NBAS: variants seen among roughly 807,000 people sequenced by gnomAD.
The protein encoded by NBAS is NBAS subunit of NRZ tethering complex.
NBAS carries 219 observed loss-of-function variants against 302.5 expected under a neutral mutation model. The ratio of observed to expected loss-of-function variants is 0.72; its 90% CI spans 0.65 to 0.81. The LOEUF is 0.81. Ranked by LOEUF, NBAS falls within the 30% of genes least tolerant of loss-of-function variation. The pLI is 0.00. For missense variants in NBAS, 2,932 were observed against 2,841.6 expected (o/e 1.03, Z -0.72); for synonymous variants, 1,118 against 1,021.6 (o/e 1.09, Z -1.80).
the NBAS span, among the ~76,000 whole-genome samples, chr2:14,972,721 G>T: frequency 6.6e-6 from 1 of 152,160 alleles, no homozygotes; most frequent in Non-Finnish European, 1.5e-5. Context: ...CAAAGAAATC[G>T]TCTGAAAGTA....
the NBAS span, among the ~76,000 whole-genome samples, chr2:15,096,942 G>C: frequency 6.6e-6 from 1 of 152,224 alleles, no homozygotes; most frequent in Non-Finnish European, 1.5e-5. Flanking sequence ...ACTGAAGCAA[G>C]AATGTGGATG....
At position 15,308,252 on chromosome 2, in the gene NBAS, G is replaced by T; in HGVS notation, c.4761C>A (p.Ala1587=). ...YYSLQIYARL[A]PCFRDKCHPL... is the part of the protein sequence containing the mutation. ...GATGGCACTTGTCCCTGAAACATGG[G>T]GCCAATCGGGCATAGATCTGGAGGC... The change falls in exon 40 of 52, where the codon GCC becomes GCA. Residue 1587 remains alanine, a synonymous_variant. Coordinates refer to ENST00000281513, the MANE Select transcript of NBAS (RefSeq NM_015909.4). 1 of 1,614,126 alleles carries T rather than the reference G, an allele frequency of 6.2e-7. No homozygotes were observed. The highest frequency in any genetic ancestry group is 1.3e-5 in the African/African-American group (1 of 75,024).
At chr2:14,780,487 C>T in the NBAS span, among the ~76,000 whole-genome samples, 1 of 152,214 alleles carries the variant, frequency 6.6e-6, no homozygotes, top group Non-Finnish European at 1.5e-5. Flanking sequence ...TAGGATGGCA[C>T]TGCCAGATGC....
chr2:15,187,411 T>C (rs1446957865), intron 49 of NBAS, among the ~76,000 whole-genome samples: 2 of 152,142 alleles, frequency 1.3e-5, no homozygotes, highest in African/African-American at 4.8e-5. Context: ...TTATTGTTAT[T>C]GTAATGGGGT....
Position 15,417,585 on chromosome 2 carries a change from G to A in NBAS, c.2705C>T (p.Thr902Ile), listed in dbSNP as rs1280104666. The A allele has an allele frequency of 6.2e-7, 1 of 1,613,900 alleles. No homozygotes were observed. Among genetic ancestry groups the A allele is most frequent in the Admixed American group, 1.7e-5 (1 of 60,004 alleles). ...TTTCATCTGCTGGAGTTCTTTCAGG[G>A]TTAGAGTTACATCACACCTGGCTTC... Reference protein sequence around the residue: ...VYEARCDVTLTLKELQQMKDI... With the variant: ...VYEARCDVTLILKELQQMKDI... Residue 902 changes from threonine (T) to isoleucine (I), a missense_variant, in exon 24 of 52, where the codon ACC becomes ATC. By Grantham distance (89) the Thr-to-Ile change is moderately conservative (BLOSUM62 -1). Coordinates refer to ENST00000281513, the MANE Select transcript of NBAS (RefSeq NM_015909.4).
In NBAS at chr2:15,238,477, A is replaced by G. The variant is rs752896593; in HGVS notation, c.5934T>C (p.Asn1978=). Residue 1978 remains asparagine (N), a synonymous_variant, in exon 45 of 52, where the codon AAT becomes AAC. Coordinates refer to ENST00000281513, the MANE Select transcript of NBAS (RefSeq NM_015909.4). ...LSHSFILSLK[N]SEQETLQKYS... is the part of the protein sequence containing the mutation. ...GTTCCCATTTCTTTACCTGCTCACT[A>G]TTCTTCAGAGAAAGGATGAAGCTGT... 3.1e-6 allele frequency: 5 copies of G among 1,613,998 alleles called. No homozygotes were observed. The African/African-American group carries it at 4.0e-5, about 13-fold the overall frequency.
chr2:15,365,823 A>C (rs989655878), intron 32 of NBAS, among the ~76,000 whole-genome samples: 1 of 152,222 alleles, frequency 6.6e-6, no homozygotes, highest in African/African-American at 2.4e-5. Context: ...ACCACTGCTT[A>C]TACAACCAAA....
chr2:14,869,556 T>C, the NBAS span, among the ~76,000 whole-genome samples: 4 of 152,186 alleles, frequency 2.6e-5, no homozygotes, highest in African/African-American at 7.2e-5. Flanking sequence ...TAATTCTGCA[T>C]GTGGTTTTAC....
chr2:14,960,213 C>G, the NBAS span, among the ~76,000 whole-genome samples: 1 of 152,208 alleles, frequency 6.6e-6, no homozygotes, highest in Non-Finnish European at 1.5e-5. Context: ...CCTCCTGTGC[C>G]TTCACAGTGC....
intron 28 of NBAS, among the ~76,000 whole-genome samples, chr2:15,384,569 A>G (rs747416159): frequency 2.0e-5 from 3 of 150,034 alleles, no homozygotes; most frequent in Non-Finnish European, 4.4e-5. Flanking sequence ...ATGTGAATGA[A>G]TGAATCTGAA....
intron 26 of NBAS, among the ~76,000 whole-genome samples, 199 bp downstream of exon 26, chr2:15,401,969 A>T (rs73198697): frequency 0.016 from 2,483 of 152,100 alleles, 75 homozygotes; most frequent in African/African-American, 0.057. Flanking sequence ...CAGTTGAACA[A>T]AATATAGAAC....
the NBAS span, among the ~76,000 whole-genome samples, chr2:14,980,737 GAACTCTGGAAGATATAA>G: frequency 6.6e-6 from 1 of 152,132 alleles, no homozygotes; most frequent in Non-Finnish European, 1.5e-5. Flanking sequence ...CAAGACAGCA[GAACTCTGGAAGATATAA>G]AAGAAACAAT....
chr2:15,007,831 C>A, the NBAS span, among the ~76,000 whole-genome samples: 2 of 152,174 alleles, frequency 1.3e-5, no homozygotes, highest in Non-Finnish European at 2.9e-5. Context: ...AAGTTCAAAT[C>A]CCAGCTCCAC....
At chr2:15,001,884 A>G in the NBAS span, among the ~76,000 whole-genome samples, 1 of 152,146 alleles carries the variant, frequency 6.6e-6, no homozygotes, top group African/African-American at 2.4e-5. Context: ...GATTTATTGC[A>G]AAGAGCGAAA....
chr2:15,318,383 T>C (rs771173018), intron 38 of NBAS, among the ~76,000 whole-genome samples: 10 of 152,278 alleles, frequency 6.6e-5, no homozygotes, highest in South Asian at 2.1e-4. Context: ...CAGGATCAAA[T>C]TCACACATTA....
At chr2:14,788,116 G>C in the NBAS span, among the ~76,000 whole-genome samples, 1 of 152,056 alleles carries the variant, frequency 6.6e-6, no homozygotes, top group African/African-American at 2.4e-5. Flanking sequence ...GATCGCATCG[G>C]CTCCTGAGGC....
chr2:15,308,599 A>G (rs1671135426), intron 39 of NBAS, among the ~76,000 whole-genome samples: 1 of 152,208 alleles, frequency 6.6e-6, no homozygotes, highest in African/African-American at 2.4e-5. Context: ...CTCTCTAGAT[A>G]CTGACCAGGA....
the NBAS span, among the ~76,000 whole-genome samples, chr2:14,816,277 T>A: frequency 3.3e-5 from 5 of 152,228 alleles, no homozygotes; most frequent in Admixed American, 3.3e-4. Context: ...CTCCACCTCC[T>A]GTCAGATTAG....
chr2:15,100,065 A>G, the NBAS span, among the ~76,000 whole-genome samples: 2 of 152,150 alleles, frequency 1.3e-5, no homozygotes, highest in Non-Finnish European at 2.9e-5. Context: ...AATGCCTCAG[A>G]TAGTTGTGCA....
Sources: allele counts gnomAD v4.1 joint callset (sites outside exome capture counted in the v4.1 genomes callset), GRCh38; gene constraint gnomAD v4.1.1; transcripts MANE v1.5; gene names NCBI Gene and HGNC (gene_info 2026-07-23, HGNC 2026-07-21).